The following RIT2 variants were observed in gnomAD, a reference collection of about 807,000 sequenced individuals.
The protein encoded by RIT2 is GTP-binding protein Rit2.
In RIT2, 24 loss-of-function variants were observed where a neutral mutation model predicts 23.7. The ratio of observed to expected loss-of-function variants is 1.01; its 90% CI spans 0.73 to 1.43. RIT2 has a LOEUF of 1.43. Among genes scored for constraint, RIT2 ranks in the 40% most tolerant of loss-of-function variants. The pLI, the probability that RIT2 is intolerant of heterozygous loss-of-function variation, is 0.00. For synonymous variants in RIT2, 107 were observed against 91.1 expected (o/e 1.17, Z -0.99); for missense variants, 236 against 266.9 (o/e 0.88, Z 0.81).
intron 1 of RIT2, among the ~76,000 whole-genome samples, chr18:43,058,883 C>T (rs2064001024): frequency 6.6e-6 from 1 of 152,110 alleles, no homozygotes; most frequent in South Asian, 2.1e-4. Context: ...GAGTGAGACC[C>T]TGTCTCAAGA....
At chr18:42,831,429 A>G (rs1906453984) in intron 4 of RIT2, among the ~76,000 whole-genome samples, 1 of 152,144 alleles carries the variant, frequency 6.6e-6, no homozygotes. Flanking sequence ...TGTGGCTAAG[A>G]ATCTTTTTCT....
At chr18:42,951,424 A>T (rs1159979354) in intron 3 of RIT2, among the ~76,000 whole-genome samples, 1 of 151,896 alleles carries the variant, frequency 6.6e-6, no homozygotes, top group African/African-American at 2.4e-5. Context: ...GGGGACTGCT[A>T]AAAGAGGAGG....
chr18:42,979,489 A>C (rs1490532659), intron 2 of RIT2, among the ~76,000 whole-genome samples: 1 of 152,118 alleles, frequency 6.6e-6, no homozygotes. Flanking sequence ...TCACTGACCC[A>C]AATTTTTTAA....
At chr18:43,082,970 T>C (rs941169940) in intron 1 of RIT2, among the ~76,000 whole-genome samples, 9 of 152,268 alleles carry the variant, frequency 5.9e-5, no homozygotes, top group African/African-American at 2.2e-4. Flanking sequence ...TGATTGTATA[T>C]TTAGAAAACC....
chr18:42,951,895 C>T (rs1008395393), intron 3 of RIT2, among the ~76,000 whole-genome samples: 1 of 152,138 alleles, frequency 6.6e-6, no homozygotes, highest in Non-Finnish European at 1.5e-5. Flanking sequence ...TTAATTGACT[C>T]ACAGTTCCGC....
At chr18:42,824,382 C>T (rs1170837055) in intron 4 of RIT2, among the ~76,000 whole-genome samples, 1 of 152,032 alleles carries the variant, frequency 6.6e-6, no homozygotes, top group Non-Finnish European at 1.5e-5. Context: ...ATGTGTTCCA[C>T]TTTCATTACC....
At chr18:42,977,127 A>G (rs1211569200) in intron 2 of RIT2, among the ~76,000 whole-genome samples, 4 of 152,048 alleles carry the variant, frequency 2.6e-5, no homozygotes, top group African/African-American at 9.7e-5. Flanking sequence ...ACAATAAAGA[A>G]ACAGTTATCT....
chr18:43,108,441 G>A (rs1008212135), intron 1 of RIT2, among the ~76,000 whole-genome samples: 9 of 151,928 alleles, frequency 5.9e-5, no homozygotes, highest in African/African-American at 2.2e-4. Context: ...AGGGTGAGGG[G>A]TATAGTAAGG....
At chr18:42,940,861 A>G (rs957426367) in intron 3 of RIT2, among the ~76,000 whole-genome samples, 4 of 152,136 alleles carry the variant, frequency 2.6e-5, no homozygotes, top group African/African-American at 9.7e-5. Flanking sequence ...GCATGCTGGT[A>G]AGTTTTCTAA....
At chr18:42,879,752 A>T (rs907616273) in intron 4 of RIT2, among the ~76,000 whole-genome samples, 3 of 152,156 alleles carry the variant, frequency 2.0e-5, no homozygotes, top group African/African-American at 7.2e-5. Flanking sequence ...TCTGCTAATA[A>T]TTAAAAGTGA....
chr18:42,941,648 A>G (rs1017564599), intron 3 of RIT2, among the ~76,000 whole-genome samples: 1 of 152,152 alleles, frequency 6.6e-6, no homozygotes, highest in African/African-American at 2.4e-5. Context: ...TCAATTTTCT[A>G]TGGGGAAAAA....
intron 1 of RIT2, among the ~76,000 whole-genome samples, chr18:43,063,400 C>T (rs1242226948): frequency 6.6e-6 from 1 of 152,190 alleles, no homozygotes; most frequent in Non-Finnish European, 1.5e-5. Context: ...TAGCCAATTT[C>T]TGGTTTATAT....
intron 4 of RIT2, among the ~76,000 whole-genome samples, chr18:42,744,793 A>G (rs922138405): frequency 6.6e-6 from 1 of 152,180 alleles, no homozygotes; most frequent in Admixed American, 6.6e-5. Flanking sequence ...TCAAAAGAAA[A>G]TGAAAAGCAA....
intron 4 of RIT2, among the ~76,000 whole-genome samples, chr18:42,766,050 C>T (rs1203188226): frequency 1.3e-5 from 2 of 152,146 alleles, no homozygotes; most frequent in African/African-American, 4.8e-5. Flanking sequence ...TCCCTTTGTT[C>T]CCAGTTTAGG....
At chr18:42,752,813 T>G (rs1047530493) in intron 4 of RIT2, among the ~76,000 whole-genome samples, 1 of 152,160 alleles carries the variant, frequency 6.6e-6, no homozygotes, top group African/African-American at 2.4e-5. Flanking sequence ...AAGCAATTGA[T>G]GCAGATATCA....
At chr18:42,922,353 T>C (rs1909075430) in intron 4 of RIT2, among the ~76,000 whole-genome samples, 1 of 152,096 alleles carries the variant, frequency 6.6e-6, no homozygotes, top group Non-Finnish European at 1.5e-5. Context: ...GTTTTACTAG[T>C]TGACTAATTT....
chr18:43,020,673 A>G (rs1264576365), intron 2 of RIT2, among the ~76,000 whole-genome samples: 1 of 152,034 alleles, frequency 6.6e-6, no homozygotes, highest in African/African-American at 2.4e-5. Context: ...CACATAATCC[A>G]AGGAAGCAAA....
At position 42,772,055 on chromosome 18, in the gene RIT2, G is replaced by T. The variant is rs527477076; in HGVS notation, c.427-28335C>A. ...GCTGGCAAGAAGGGGGTTAGTCAAA[G>T]AATTAGAGACAAATATAAGTGAGAA... is the stretch of plus-strand genomic sequence containing the variant. On this transcript the variant is annotated intron_variant, in intron 4 of 4. Coordinates refer to ENST00000326695, the MANE Select transcript of RIT2 (RefSeq NM_002930.4). 5.9e-5 allele frequency among the ~76,000 whole-genome samples: 9 copies of T among 152,276 alleles called. No homozygotes were observed. The South Asian group carries it at 1.7e-3, about 28-fold the overall frequency.
chr18:42,946,618 G>A (rs1227932299), intron 3 of RIT2, among the ~76,000 whole-genome samples: 1 of 151,974 alleles, frequency 6.6e-6, no homozygotes, highest in Non-Finnish European at 1.5e-5. Flanking sequence ...TTTGTAAGAA[G>A]TTCTATTATC....
Sources: allele counts gnomAD v4.1 joint callset (sites outside exome capture counted in the v4.1 genomes callset), GRCh38; gene constraint gnomAD v4.1.1; transcripts MANE v1.5; gene names NCBI Gene and HGNC (gene_info 2026-07-23, HGNC 2026-07-21).